The following AQP6 variants were observed in gnomAD, a reference collection of about 807,000 sequenced individuals.
AQP6 encodes aquaporin-6.
In AQP6, 14 loss-of-function variants were observed where a neutral mutation model predicts 16.3. The ratio of observed to expected loss-of-function variants is 0.86; its 90% CI spans 0.57 to 1.34. AQP6 has a LOEUF of 1.34. Ranked by LOEUF, AQP6 falls within the 40% of genes most tolerant of loss-of-function variation. The pLI is 0.00. For synonymous variants in AQP6, 178 were observed against 166.8 expected, an observed-to-expected ratio of 1.07 and a Z score of -0.52; for missense variants, 331 against 379.7, an observed-to-expected ratio of 0.87 and a Z score of 1.07.
rs778848124 is a variant in AQP6, at chr12:49,973,579, G to A, written c.402+4G>A. ...AGAGACCCTTGGGATCAACGTGGTA[G>A]GTGCAGGGAGGGGCACCTGGAGGGC... On this transcript the variant is annotated splice_donor_region_variant and intron_variant, in intron 1 of 3. Coordinates refer to ENST00000315520, the MANE Select transcript of AQP6 (RefSeq NM_001652.4). The A allele has an allele frequency of 1.3e-6, 2 of 1,583,188 alleles. No individual in the cohort carries two copies. The highest frequency in any genetic ancestry group is 3.6e-5 in the Admixed American group (2 of 55,846).
rs767249497 is a variant in AQP6, at chr12:49,975,592, CAG to C, written c.771_772del (p.Ala259ArgfsTer55). On this transcript the variant is annotated frameshift_variant, in exon 4 of 4. Transcript: ENST00000315520. LOFTEE classifies it low-confidence loss of function (END_TRUNC). This position sits in a 1 kb window ranked among gnomAD's most constrained non-coding sequence, Gnocchi z 4.4. Reference sequence around the variant, plus strand: ...CTCACAGGCACCGTAGAGGTGGGGACAGGGGCAGGGGCAGGGGCGGAGCCCCT... The same window carrying C: ...CTCACAGGCACCGTAGAGGTGGGGACGGGCAGGGGCAGGGGCGGAGCCCCT... 3 of 1,601,010 alleles carry C rather than the reference CAG, an allele frequency of 1.9e-6. No homozygotes were observed. The highest frequency in any genetic ancestry group is 3.6e-5 in the Admixed American group (2 of 55,382).
At chr12:49,973,660 G>T (rs906009554) in intron 1 of AQP6, 85 bp downstream of exon 1, 105 of 1,453,392 alleles carry the variant, frequency 7.2e-5, no homozygotes, top group Non-Finnish European at 9.1e-5. Context: ...GGAGGCGAGG[G>T]AGCAAAGGAG....
chr12:49,973,014 C>A lies in AQP6; in HGVS notation c.-160C>A. 1 of 981,498 alleles carries A rather than the reference C, an allele frequency of 1.0e-6. No homozygotes were observed. Among genetic ancestry groups the A allele is most frequent in the Non-Finnish European group, 1.5e-6 (1 of 684,820 alleles). 60.8% of individuals were successfully genotyped at this position (981,498 alleles called of 1,614,324 possible). A position where few individuals can be genotyped will look rare whatever the true frequency, so the allele number is the denominator to read the frequency against. On this transcript the variant is annotated 5_prime_UTR_variant, in exon 1 of 4. Coordinates refer to ENST00000315520, the MANE Select transcript of AQP6 (RefSeq NM_001652.4). ...ACCAGCACAGTCCTGGGGACAGGAG[C>A]GTGGTGGAGGAGCTGCAGGTGGGGG...
At chr12:49,973,939 C>T in intron 1 of AQP6, 11 of 1,173,936 alleles carry the variant, frequency 9.4e-6, no homozygotes, top group Non-Finnish European at 1.2e-5. Flanking sequence ...GTCCTCTGCT[C>T]TCCGACTGTT....
chr12:49,975,598 C>G lies in AQP6; in HGVS notation c.776C>G (p.Ala259Gly). 1 of 1,602,570 alleles carries G rather than the reference C, an allele frequency of 6.2e-7. No homozygotes were observed. Among genetic ancestry groups the G allele is most frequent in the Non-Finnish European group, 8.5e-7 (1 of 1,176,790 alleles). ...LTGTVEVGTG[A>G]GAGAEPLKKE... ...GGCACCGTAGAGGTGGGGACAGGGG[C>G]AGGGGCAGGGGCGGAGCCCCTGAAG... Residue 259 changes from alanine to glycine, a missense_variant, in exon 4 of 4, where the codon GCA (alanine) becomes GGA (glycine). Physicochemically the swap from Ala to Gly is moderately conservative, Grantham distance 60 (BLOSUM62 0). Coordinates refer to ENST00000315520, the MANE Select transcript of AQP6 (RefSeq NM_001652.4). The surrounding 1 kb of genome is among the most constrained non-coding windows in gnomAD (Gnocchi z 4.4).
chr12:49,974,858 G>A (rs1947560157), intron 3 of AQP6, 32 bp downstream of exon 3: 5 of 1,612,226 alleles, frequency 3.1e-6, no homozygotes, highest in Non-Finnish European at 4.2e-6. Flanking sequence ...CCTGGGGAGG[G>A]AAGGGAGCCT....
Position 49,975,695 on chromosome 12 carries a change from C to A in AQP6, c.*24C>A. The A allele has an allele frequency of 6.7e-7, 1 of 1,489,786 alleles. No homozygotes were observed. The highest frequency in any genetic ancestry group is 1.4e-5 in the South Asian group (1 of 72,478). 92.3% of individuals were successfully genotyped at this position (1,489,786 alleles called of 1,614,324 possible). A position where few individuals can be genotyped will look rare whatever the true frequency, so the allele number is the denominator to read the frequency against. On this transcript the variant is annotated 3_prime_UTR_variant, in exon 4 of 4. Transcript: ENST00000315520. The surrounding 1 kb of genome is among the most constrained non-coding windows in gnomAD (Gnocchi z 4.4). Reference sequence around the variant, plus strand: ...GAAACAGCCTACGCCTGGCCGCGCCCTTGGGCTTCCTGCCTTGCAGGACCT... The same window carrying A: ...GAAACAGCCTACGCCTGGCCGCGCCATTGGGCTTCCTGCCTTGCAGGACCT...
At position 49,974,360 on chromosome 12, in the gene AQP6, G is replaced by T; in HGVS notation, c.439G>T (p.Val147Leu). 8 of 1,606,320 alleles carry T rather than the reference G, an allele frequency of 5.0e-6. No individual in the cohort carries two copies. The highest frequency in any genetic ancestry group is 6.8e-6 in the Non-Finnish European group (8 of 1,174,696). The change falls in exon 2 of 4, where the codon GTG becomes TTG. Residue 147 changes from valine (V) to leucine (L), a missense_variant. Physicochemically the swap from Val to Leu is conservative, Grantham distance 32 (BLOSUM62 1). Coordinates refer to ENST00000315520, the MANE Select transcript of AQP6 (RefSeq NM_001652.4). ...TGTCTCAACTGGCCAGGCGGTGGCAGTGGAGCTGCTTCTGACCCTGCAGCT... is the reference window on the plus strand; with the variant it reads ...TGTCTCAACTGGCCAGGCGGTGGCATTGGAGCTGCTTCTGACCCTGCAGCT... ...NSVSTGQAVAVELLLTLQLVL... is the reference protein window; with the variant it reads ...NSVSTGQAVALELLLTLQLVL...
Position 49,975,639 on chromosome 12 carries a change from G to A in AQP6, c.817G>A (p.Gly273Ser), listed in dbSNP as rs745677036. The A allele has an allele frequency of 6.9e-6, 11 of 1,589,366 alleles. No homozygotes were observed. The East Asian group carries it at 1.3e-4, about 19-fold the overall frequency. Residue 273 changes from glycine to serine, a missense_variant, in exon 4 of 4, where the codon GGT becomes AGT. Gly to Ser is a moderately conservative substitution (Grantham distance 56, BLOSUM62 0). Transcript: ENST00000315520. This position sits in a 1 kb window ranked among gnomAD's most constrained non-coding sequence, Gnocchi z 4.4. ...GCCCCTGAAGAAGGAATCCCAGCCG[G>A]GTTCGGGAGCCGTGGAGATGGAGAG... ...AEPLKKESQPGSGAVEMESV is the reference protein window; with the variant it reads ...AEPLKKESQPSSGAVEMESV
chr12:49,973,041 C>A lies in AQP6; in HGVS notation c.-133C>A. The A allele has an allele frequency of 7.9e-7, 1 of 1,265,804 alleles. No homozygotes were observed. Among genetic ancestry groups the A allele is most frequent in the Non-Finnish European group, 1.1e-6 (1 of 943,416 alleles). 78.4% of individuals were successfully genotyped at this position (1,265,804 alleles called of 1,614,324 possible). A position where few individuals can be genotyped will look rare whatever the true frequency, so the allele number is the denominator to read the frequency against. On this transcript the variant is annotated 5_prime_UTR_variant, in exon 1 of 4. Transcript: ENST00000315520. ...TGGTGGAGGAGCTGCAGGTGGGGGC[C>A]AGAGAAGCCTCCACAGAGAGCAAAA...
In AQP6 at chr12:49,973,486, G is replaced by A. The variant is rs768523216; in HGVS notation, c.313G>A (p.Ala105Thr). The change falls in exon 1 of 4, where the codon GCT (alanine) becomes ACT (threonine). Residue 105 changes from alanine to threonine, a missense_variant. Ala to Thr is a moderately conservative substitution (Grantham distance 58). Coordinates refer to ENST00000315520, the MANE Select transcript of AQP6 (RefSeq NM_001652.4). ...TCTGCCCCGTGCTGTGGCCTATGTG[G>A]CTGCCCAGCTGGTGGGGGCCACGGT... ...ISLPRAVAYV[A>T]AQLVGATVGA... 3 of 1,613,838 alleles carry A rather than the reference G, an allele frequency of 1.9e-6. No individual in the cohort carries two copies. The highest frequency in any genetic ancestry group is 2.5e-6 in the Non-Finnish European group (3 of 1,180,020).
At position 49,975,630 on chromosome 12, in the gene AQP6, T is replaced by C; in HGVS notation, c.808T>C (p.Ser270Pro). ...GAGAEPLKKE[S>P]QPGSGAVEME... ...AGGGGCGGAGCCCCTGAAGAAGGAA[T>C]CCCAGCCGGGTTCGGGAGCCGTGGA... Residue 270 changes from serine (S) to proline (P), a missense_variant, in exon 4 of 4, where the codon TCC becomes CCC. Transcript: ENST00000315520. This position sits in a 1 kb window ranked among gnomAD's most constrained non-coding sequence, Gnocchi z 4.4. The C allele has an allele frequency of 6.3e-7, 1 of 1,592,698 alleles. No homozygotes were observed. Among genetic ancestry groups the C allele is most frequent in the Non-Finnish European group, 8.5e-7 (1 of 1,173,394 alleles).
chr12:49,975,494 C>T lies in AQP6; in HGVS notation c.672C>T (p.Ala224=), dbSNP rs138500655. The change falls in exon 4 of 4, where the codon GCC becomes GCT. Residue 224 remains alanine, a synonymous_variant. Transcript: ENST00000315520. The surrounding 1 kb of genome is among the most constrained non-coding windows in gnomAD (Gnocchi z 4.4). ...TCTGGGTGGGGCCCCTGATGGGAGC[C>T]CTCCTGGCCTCACTGATCTACAACT... is the stretch of plus-strand genomic sequence containing the variant. ...WVFWVGPLMG[A]LLASLIYNFV... is the part of the protein sequence containing the mutation. 2 of 1,605,748 alleles carry T rather than the reference C, an allele frequency of 1.2e-6. No homozygotes were observed. The highest frequency in any genetic ancestry group is 1.7e-6 in the Non-Finnish European group (2 of 1,177,532).
chr12:49,974,114 G>C, intron 1 of AQP6: 1 of 1,257,302 alleles, frequency 8.0e-7, no homozygotes, highest in Non-Finnish European at 1.0e-6. Flanking sequence ...ACCCACTGGT[G>C]GGGTGGGAGG....
At position 49,973,312 on chromosome 12, in the gene AQP6, C is replaced by G. The variant is rs200724517; in HGVS notation, c.139C>G (p.Arg47Gly). The part of the protein sequence containing the change: ...YVFFGVGSVM[R>G]WPTALPSVLQ... ...GTTCTTTGGCGTGGGCTCAGTCATGCGCTGGCCCACAGCACTTCCCTCCGT... is the reference window on the plus strand; with the variant it reads ...GTTCTTTGGCGTGGGCTCAGTCATGGGCTGGCCCACAGCACTTCCCTCCGT... The change falls in exon 1 of 4, where the codon CGC becomes GGC. Residue 47 changes from arginine (R) to glycine (G), a missense_variant. Arg to Gly is a moderately radical substitution (Grantham distance 125). Transcript: ENST00000315520. 41 of 1,613,516 alleles carry G rather than the reference C, an allele frequency of 2.5e-5. No individual in the cohort carries two copies. The highest frequency in any genetic ancestry group is 3.2e-5 in the Non-Finnish European group (38 of 1,180,038).
intron 3 of AQP6, 154 bp downstream of exon 3, chr12:49,974,980 C>T: frequency 7.0e-7 from 1 of 1,431,862 alleles, no homozygotes; most frequent in Admixed American, 2.9e-5. Flanking sequence ...CCCAGGATAC[C>T]CAGTGGACTG....
chr12:49,973,681 A>G, intron 1 of AQP6, 106 bp downstream of exon 1: 1 of 1,406,570 alleles, frequency 7.1e-7, no homozygotes, highest in East Asian at 2.5e-5. Context: ...GAAACAAGTC[A>G]GCTGCAGGCT....
At chr12:49,973,891 C>T (rs139144677) in intron 1 of AQP6, 42 of 1,212,826 alleles carry the variant, frequency 3.5e-5, no homozygotes, top group Middle Eastern at 4.3e-4. Flanking sequence ...AGAAGGGGAC[C>T]CCACGGGGAC....
Position 49,974,308 on chromosome 12 carries a change from A to G in AQP6, c.403-16A>G. On this transcript the variant is annotated splice_polypyrimidine_tract_variant and intron_variant, in intron 1 of 3. Coordinates refer to ENST00000315520, the MANE Select transcript of AQP6 (RefSeq NM_001652.4). ...GCAGAGCCCGCGTCTGGTCCAGAGT[A>G]ACTCCCTCTGTCCAGGTCCGGAACA... The G allele has an allele frequency of 6.5e-7, 1 of 1,529,022 alleles. No homozygotes were observed. The highest frequency in any genetic ancestry group is 8.8e-7 in the Non-Finnish European group (1 of 1,131,150). 94.7% of individuals were successfully genotyped at this position (1,529,022 alleles called of 1,614,324 possible). A position where few individuals can be genotyped will look rare whatever the true frequency, so the allele number is the denominator to read the frequency against.
Sources: allele counts gnomAD v4.1 joint callset, GRCh38; gene constraint gnomAD v4.1.1; non-coding constraint Gnocchi (gnomAD v3.1); transcripts MANE v1.5; gene names NCBI Gene and HGNC (gene_info 2026-07-23, HGNC 2026-07-21).